IMPA1: variants seen among roughly 807,000 people sequenced by gnomAD.
The protein encoded by IMPA1 is D-galactose 1-phosphate phosphatase.
IMPA1 carries 21 observed loss-of-function variants against 34.9 expected under a neutral mutation model. The observed-to-expected ratio is 0.60, with a 90% confidence interval of 0.43 to 0.87. The LOEUF is 0.87. Ranked by LOEUF, IMPA1 falls within the 40% of genes least tolerant of loss-of-function variation. IMPA1 has a pLI of 0.00. For missense variants in IMPA1, 299 were observed against 336.4 expected (o/e 0.89, Z 0.87); for synonymous variants, 95 against 104.4 (o/e 0.91, Z 0.55).
intron 4 of IMPA1, among the ~76,000 whole-genome samples, chr8:81,676,597 T>A (rs555576349): frequency 1.3e-5 from 2 of 152,322 alleles, no homozygotes; most frequent in South Asian, 4.1e-4. Flanking sequence ...CAGAGATGGA[T>A]CCTGGGAAAC....
At chr8:81,670,887 GCACA>G in intron 7 of IMPA1, 48 bp downstream of exon 7, 1 of 872,144 alleles carries the variant, frequency 1.1e-6, no homozygotes, top group Non-Finnish European at 1.8e-6. Context: ...AAAGGTGTGT[GCACA>G]CACACACGTA....
At chr8:81,682,020 G>A (rs999269663) in intron 1 of IMPA1, among the ~76,000 whole-genome samples, 1 of 152,050 alleles carries the variant, frequency 6.6e-6, no homozygotes, top group African/African-American at 2.4e-5. Context: ...TAAAGATGAA[G>A]AACTTAAGGT....
chr8:81,674,258 C>T (rs1807070236), intron 5 of IMPA1: 3 of 237,872 alleles, frequency 1.3e-5, no homozygotes, highest in African/African-American at 4.5e-5. Flanking sequence ...GGACTCCTAC[C>T]CTCACATACA....
At chr8:81,668,620 C>A (rs972555186) in intron 7 of IMPA1, among the ~76,000 whole-genome samples, 4 of 151,752 alleles carry the variant, frequency 2.6e-5, no homozygotes, top group African/African-American at 7.3e-5. Flanking sequence ...AAACAAACAA[C>A]CAAAAAGAAA....
intron 1 of IMPA1, among the ~76,000 whole-genome samples, chr8:81,683,702 C>T (rs1228708035): frequency 6.6e-6 from 1 of 152,114 alleles, no homozygotes; most frequent in Non-Finnish European, 1.5e-5. Flanking sequence ...AATCATGGAT[C>T]CTGAGCTCAC....
intron 1 of IMPA1, among the ~76,000 whole-genome samples, chr8:81,684,877 C>T (rs1220375541): frequency 7.7e-6 from 1 of 130,500 alleles, no homozygotes; most frequent in African/African-American, 3.0e-5. Context: ...TATTTAGATA[C>T]TATGTATAGT....
In IMPA1 at chr8:81,657,788, A is replaced by G. The variant is rs1243303541; in HGVS notation, c.*1563T>C. Among the ~76,000 whole-genome samples the G allele has an allele frequency of 6.6e-6, 1 of 152,272 alleles. No individual in the cohort carries two copies. Among genetic ancestry groups the G allele is most frequent in the Non-Finnish European group, 1.5e-5 (1 of 68,024 alleles). ...CATGGTGGCATGAACTTATAGTCCC[A>G]GCTACTCAGGAGACTGAAAGAGGAG... On this transcript the variant is annotated 3_prime_UTR_variant, in exon 9 of 9. Transcript: ENST00000256108.
chr8:81,671,565 T>C (rs1478902036), intron 6 of IMPA1, among the ~76,000 whole-genome samples: 1 of 152,186 alleles, frequency 6.6e-6, no homozygotes, highest in Non-Finnish European at 1.5e-5. Flanking sequence ...CTGTGTTTGA[T>C]CTGAGCATTT....
At chr8:81,674,044 T>C in intron 5 of IMPA1, 95 bp from the exon 6 acceptor site, 1 of 724,922 alleles carries the variant, frequency 1.4e-6, no homozygotes. Flanking sequence ...TACTGACTAG[T>C]AACAATGGAC....
intron 1 of IMPA1, among the ~76,000 whole-genome samples, chr8:81,685,338 A>G (rs988078613): frequency 7.3e-6 from 1 of 136,310 alleles, no homozygotes; most frequent in Non-Finnish European, 1.5e-5. Context: ...GTATATTTAT[A>G]TACTATATGT....
At chr8:81,666,707 C>G (rs1735487) in intron 7 of IMPA1, among the ~76,000 whole-genome samples, 14,445 of 151,626 alleles carry the variant, frequency 0.095, 869 homozygotes, top group Middle Eastern at 0.15. Flanking sequence ...AACCCTGTCT[C>G]TACTAAAAAT....
intron 7 of IMPA1, among the ~76,000 whole-genome samples, chr8:81,668,503 G>A (rs1806897955): frequency 1.3e-5 from 2 of 152,038 alleles, no homozygotes; most frequent in Admixed American, 1.3e-4. Context: ...TGAAGTAGGA[G>A]GACTGCTTGA....
intron 7 of IMPA1, among the ~76,000 whole-genome samples, chr8:81,665,001 C>T (rs1055795867): frequency 1.3e-5 from 2 of 151,680 alleles, no homozygotes; most frequent in Non-Finnish European, 2.9e-5. Flanking sequence ...AGAAAATGCA[C>T]AGAAAGGCAC....
intron 7 of IMPA1, among the ~76,000 whole-genome samples, chr8:81,668,582 GA>G (rs1806901077): frequency 6.6e-6 from 1 of 151,972 alleles, no homozygotes; most frequent in Admixed American, 6.6e-5. Context: ...AAGAGAGTGA[GA>G]ACCCATCTCC....
rs146261158 is a variant in IMPA1, at chr8:81,673,685, T to C, written c.457+156A>G. Among the ~76,000 whole-genome samples the C allele has an allele frequency of 7.4e-3, 1,120 of 152,284 alleles. 10 individuals carry two copies. Among genetic ancestry groups the C allele is most frequent in the African/African-American group, 0.025 (1,024 of 41,536 alleles). ...AATTACATTTCTTTCCCTACTTCCA[T>C]TCCACATTCAAAGCTGAAGTCAAAA... On this transcript the variant is annotated intron_variant, in intron 6 of 8. Coordinates refer to ENST00000256108, the MANE Select transcript of IMPA1 (RefSeq NM_005536.4).
Position 81,676,274 on chromosome 8 carries a change from G to A in IMPA1, c.308C>T (p.Pro103Leu). Residue 103 changes from proline to leucine, a missense_variant, in exon 5 of 9, where the codon CCT becomes CTT. Transcript: ENST00000256108. ...DGTTNFVHRFPFVAVSIGFAV... is the reference protein window; with the variant it reads ...DGTTNFVHRFLFVAVSIGFAV... ...AAAGCCAATTGAAACAGCTACAAAA[G>A]GAAATCTTTTTTTAAAAAAAAGGAC... The A allele has an allele frequency of 3.0e-6, 4 of 1,321,408 alleles. No homozygotes were observed. The highest frequency in any genetic ancestry group is 3.1e-6 in the Non-Finnish European group (3 of 969,372). The allele number at this position is 1,321,408 out of a possible 1,614,324, so 81.9% of individuals were successfully genotyped here.
At position 81,659,152 on chromosome 8, in the gene IMPA1, A is replaced by T; in HGVS notation, c.*199T>A. 1 of 572,102 alleles carries T rather than the reference A, an allele frequency of 1.7e-6. No homozygotes were observed. The highest frequency in any genetic ancestry group is 2.1e-5 in the South Asian group (1 of 47,000). 35.4% of individuals were successfully genotyped at this position (572,102 alleles called of 1,614,324 possible). On this transcript the variant is annotated 3_prime_UTR_variant, in exon 9 of 9. Transcript: ENST00000256108. Reference sequence around the variant, plus strand: ...TTCCTAAAGTACATTCTTACATGCAAAATTTTTTAAATCAGTGAAACAAAC... The same window carrying T: ...TTCCTAAAGTACATTCTTACATGCATAATTTTTTAAATCAGTGAAACAAAC...
At position 81,671,020 on chromosome 8, in the gene IMPA1, T is replaced by C. The variant is rs770807455; in HGVS notation, c.485A>G (p.Glu162Gly). 6.6e-7 allele frequency: 1 copy of C among 1,524,674 alleles called. No individual in the cohort carries two copies. Among genetic ancestry groups the C allele is most frequent in the Non-Finnish European group, 8.7e-7 (1 of 1,147,110 alleles). 94.4% of individuals were successfully genotyped at this position (1,524,674 alleles called of 1,614,324 possible). Reference sequence around the variant, plus strand: ...CTCTGGTGTTCTGGAAGAGCCCAACTCAGTCACCAAGAGAGATTTGGTAAT... The same window carrying C: ...CTCTGGTGTTCTGGAAGAGCCCAACCCAGTCACCAAGAGAGATTTGGTAAT... Reference protein sequence around the residue: ...EDITKSLLVTELGSSRTPETV... With the variant: ...EDITKSLLVTGLGSSRTPETV... Residue 162 changes from glutamate to glycine, a missense_variant, in exon 7 of 9, where the codon GAG becomes GGG. By Grantham distance (98) the Glu-to-Gly change is moderately conservative. Coordinates refer to ENST00000256108, the MANE Select transcript of IMPA1 (RefSeq NM_005536.4).
rs577731075 is a variant in IMPA1, at chr8:81,658,031, C to A, written c.*1320G>T. 4 of 152,214 alleles carry A rather than the reference C, an allele frequency of 2.6e-5. No individual in the cohort carries two copies. The South Asian group carries it at 8.3e-4, about 32-fold the overall frequency. 9.4% of individuals were successfully genotyped at this position (152,214 alleles called of 1,614,324 possible). A position where few individuals can be genotyped will look rare whatever the true frequency, so the allele number is the denominator to read the frequency against. On this transcript the variant is annotated 3_prime_UTR_variant, in exon 9 of 9. Transcript: ENST00000256108. ...AACAACCTGTCTTAGAATACAGTAT[C>A]AGATGTTTTAAGTACATGTGATCAA...
Sources: allele counts gnomAD v4.1 joint callset (sites outside exome capture counted in the v4.1 genomes callset), GRCh38; gene constraint gnomAD v4.1.1; transcripts MANE v1.5; gene names NCBI Gene and HGNC (gene_info 2026-07-23, HGNC 2026-07-21).